The following LRRIQ3 variants were observed in gnomAD, a reference collection of about 807,000 sequenced individuals.
The protein encoded by LRRIQ3 is leucine rich repeats and IQ motif containing 3, also known as leucine-rich repeat and IQ domain-containing protein 3.
In LRRIQ3, 75 loss-of-function variants were observed where a neutral mutation model predicts 59.3. The ratio of observed to expected loss-of-function variants is 1.26; its 90% CI spans 1.05 to 1.53. The LOEUF is 1.53. Ranked by LOEUF, LRRIQ3 falls within the 40% of genes most tolerant of loss-of-function variation. The probability of loss-of-function intolerance (pLI) is 0.00; values close to 1 mark genes in which losing one functional copy is unlikely to be tolerated. For missense variants in LRRIQ3, 831 were observed against 710.0 expected, an observed-to-expected ratio of 1.17 and a Z score of -1.94; for synonymous variants, 250 against 231.3, an observed-to-expected ratio of 1.08 and a Z score of -0.73.
chr1:74,052,006 G>A (rs920599289), intron 6 of LRRIQ3, among the ~76,000 whole-genome samples: 3 of 152,012 alleles, frequency 2.0e-5, no homozygotes, highest in African/African-American at 7.2e-5. Context: ...GAATAACTAT[G>A]AATCAGTCCG....
chr1:74,148,795 A>G (rs928653134), intron 4 of LRRIQ3, among the ~76,000 whole-genome samples: 1 of 152,190 alleles, frequency 6.6e-6, no homozygotes, highest in Non-Finnish European at 1.5e-5. Flanking sequence ...ACCAGGGAAC[A>G]AAAGCCATGT....
chr1:74,050,372 C>A (rs1227833139), intron 6 of LRRIQ3, among the ~76,000 whole-genome samples: 1 of 152,156 alleles, frequency 6.6e-6, no homozygotes, highest in African/African-American at 2.4e-5. Context: ...TGCTAAAAAG[C>A]AATTATTCTT....
intron 1 of LRRIQ3, among the ~76,000 whole-genome samples, chr1:74,187,456 G>T (rs1439008841): frequency 6.6e-6 from 1 of 151,810 alleles, no homozygotes; most frequent in African/African-American, 2.4e-5. Context: ...AGCCCAGAAG[G>T]CTATTATTCA....
At chr1:74,038,054 C>T (rs537562001) in intron 7 of LRRIQ3, among the ~76,000 whole-genome samples, 1 of 152,344 alleles carries the variant, frequency 6.6e-6, no homozygotes, top group African/African-American at 2.4e-5. Context: ...CTGCCTAACA[C>T]ATTAAGCTCC....
chr1:74,066,162 G>T (rs1381439273), intron 6 of LRRIQ3, among the ~76,000 whole-genome samples: 2 of 149,690 alleles, frequency 1.3e-5, no homozygotes, highest in Admixed American at 1.3e-4. Context: ...CTCCAGCCTG[G>T]GCAAGAAGAG....
intron 5 of LRRIQ3, among the ~76,000 whole-genome samples, chr1:74,091,738 T>C (rs1046344649): frequency 5.3e-5 from 8 of 152,074 alleles, no homozygotes; most frequent in Non-Finnish European, 8.8e-5. Context: ...ATAAATGTCT[T>C]AATAATTCAA....
At chr1:74,098,807 G>A (rs554859191) in intron 5 of LRRIQ3, among the ~76,000 whole-genome samples, 89 of 152,202 alleles carry the variant, frequency 5.8e-4, no homozygotes, top group African/African-American at 2.1e-3. Context: ...AATGACTACT[G>A]GGTACATAAC....
Position 74,182,630 on chromosome 1 carries a change from C to T in LRRIQ3, c.481G>A (p.Asp161Asn), listed in dbSNP as rs1486571831. The change falls in exon 3 of 8, where the codon GAT (aspartate) becomes AAT (asparagine). Residue 161 changes from aspartate to asparagine, a missense_variant. Physicochemically the swap from Asp to Asn is conservative, Grantham distance 23. Transcript: ENST00000354431. ...LKALDHHVIS[D>N]EEIIQNWHLP... is the part of the protein sequence containing the mutation. Reference sequence around the variant, plus strand: ...TGCCAGTTCTGAATTATTTCTTCATCAGAAATCACATGATGATCCAGCGCT... The same window carrying T: ...TGCCAGTTCTGAATTATTTCTTCATTAGAAATCACATGATGATCCAGCGCT... The T allele has an allele frequency of 6.2e-7, 1 of 1,609,962 alleles. No individual in the cohort carries two copies. The highest frequency in any genetic ancestry group is 2.2e-5 in the East Asian group (1 of 44,658).
rs571920375 is a variant in LRRIQ3 at position 74,101,843 on chromosome 1, G to A, written c.867+7551C>T. ...CAAACACCGCATGTTCTCACTCATA[G>A]ATGGGAATTGAACAATGAGAACACT... On this transcript the variant is annotated intron_variant, in intron 5 of 7. Coordinates refer to ENST00000354431, the MANE Select transcript of LRRIQ3 (RefSeq NM_001105659.2). 2.8e-4 allele frequency among the ~76,000 whole-genome samples: 43 copies of A among 152,148 alleles called. No homozygotes were observed. The East Asian group carries it at 7.7e-3, about 27-fold the overall frequency.
intron 4 of LRRIQ3, among the ~76,000 whole-genome samples, chr1:74,136,190 A>G (rs1220621198): frequency 6.6e-6 from 1 of 152,008 alleles, no homozygotes; most frequent in Non-Finnish European, 1.5e-5. Context: ...AAGAAGAAAT[A>G]GAAAACCTAG....
chr1:74,038,916 C>G (rs1314135570), intron 7 of LRRIQ3, among the ~76,000 whole-genome samples: 1 of 152,196 alleles, frequency 6.6e-6, no homozygotes, highest in Non-Finnish European at 1.5e-5. Context: ...AGTTCCTCCT[C>G]TCCTCCAAAT....
intron 3 of LRRIQ3, among the ~76,000 whole-genome samples, chr1:74,170,057 C>A (rs548057485): frequency 6.6e-6 from 1 of 152,012 alleles, no homozygotes; most frequent in African/African-American, 2.4e-5. Flanking sequence ...ATAAGAGTTC[C>A]TTATATAATT....
chr1:74,110,342 G>A (rs1646677898), intron 4 of LRRIQ3, among the ~76,000 whole-genome samples: 1 of 151,870 alleles, frequency 6.6e-6, no homozygotes. Flanking sequence ...CTAAATATTA[G>A]TGAAAAGAAT....
chr1:74,185,799 C>T (rs1424648985), intron 1 of LRRIQ3, among the ~76,000 whole-genome samples: 1 of 151,794 alleles, frequency 6.6e-6, no homozygotes, highest in Non-Finnish European at 1.5e-5. Context: ...AAAAATTAGC[C>T]GGACGTGGTG....
At chr1:74,169,169 C>T (rs1347148755) in intron 3 of LRRIQ3, among the ~76,000 whole-genome samples, 6 of 152,056 alleles carry the variant, frequency 3.9e-5, no homozygotes, top group African/African-American at 4.8e-5. Context: ...AGAAATCATC[C>T]GGTATTTGTC....
chr1:74,165,875 G>C (rs981442032), intron 3 of LRRIQ3, among the ~76,000 whole-genome samples: 6 of 151,430 alleles, frequency 4.0e-5, no homozygotes, highest in African/African-American at 1.5e-4. Flanking sequence ...TGCATTTATT[G>C]GTTTAGAATG....
intron 1 of LRRIQ3, among the ~76,000 whole-genome samples, chr1:74,194,148 T>C (rs1328209838): frequency 6.6e-6 from 1 of 152,150 alleles, no homozygotes; most frequent in Non-Finnish European, 1.5e-5. Flanking sequence ...AAGAGAATGC[T>C]TGAGTCCAGG....
At chr1:74,158,227 C>A (rs748961729) in intron 3 of LRRIQ3, among the ~76,000 whole-genome samples, 2 of 152,116 alleles carry the variant, frequency 1.3e-5, no homozygotes, top group Non-Finnish European at 2.9e-5. Context: ...CCTGTTCCCC[C>A]ACTTTCTCCA....
chr1:74,070,472 C>A (rs1304725819), intron 6 of LRRIQ3, among the ~76,000 whole-genome samples: 2 of 151,792 alleles, frequency 1.3e-5, no homozygotes. Context: ...CTGGGCCCTA[C>A]TGGAGAGTGG....
Sources: allele counts gnomAD v4.1 joint callset (sites outside exome capture counted in the v4.1 genomes callset), GRCh38; gene constraint gnomAD v4.1.1; transcripts MANE v1.5; gene names NCBI Gene and HGNC (gene_info 2026-07-23, HGNC 2026-07-21).